Variants in PKHD1 observed in about 807,000 individuals in gnomAD.
PKHD1 encodes the protein fibrocystin.
A neutral mutation model predicts 412.0 loss-of-function variants in PKHD1; 291 were observed. That is an observed-to-expected ratio of 0.71 (90% confidence interval 0.64 to 0.78). PKHD1 has a LOEUF of 0.78. Ranked by LOEUF, PKHD1 falls within the 30% of genes least tolerant of loss-of-function variation. PKHD1 has a pLI of 0.00. For missense variants in PKHD1, 4,825 were observed against 4,950.7 expected (o/e 0.97, Z 0.76); for synonymous variants, 1,777 against 1,821.5 (o/e 0.98, Z 0.62).
intron 7 of PKHD1, 142 bp downstream of exon 7, chr6:52,073,321 C>G: frequency 1.3e-6 from 1 of 754,264 alleles, no homozygotes; most frequent in South Asian, 1.4e-5. Context: ...AAGCCCAGCT[C>G]ATGAGGGACC....
intron 29 of PKHD1, among the ~76,000 whole-genome samples, chr6:52,030,968 G>A (rs1449520717): frequency 1.3e-5 from 2 of 152,052 alleles, no homozygotes; most frequent in Admixed American, 6.6e-5. Context: ...TGGATCCTGG[G>A]GTGCCATGAA....
intron 60 of PKHD1, among the ~76,000 whole-genome samples, chr6:51,694,547 C>CGTTTTT: frequency 1.8e-5 from 1 of 55,448 alleles, no homozygotes; most frequent in African/African-American, 6.5e-5. Context: ...CCACAACCAG[C>CGTTTTT]CTTTTTTTTT....
chr6:51,649,252 C>A (rs768098211), intron 61 of PKHD1, 32 bp from the exon 62 acceptor site: 1 of 1,545,192 alleles, frequency 6.5e-7, no homozygotes, highest in Admixed American at 1.7e-5. Context: ...AAAATACATC[C>A]TTAGGATTAC....
intron 34 of PKHD1, among the ~76,000 whole-genome samples, chr6:52,013,191 C>T (rs191135471): frequency 7.2e-5 from 11 of 152,320 alleles, no homozygotes; most frequent in African/African-American, 1.7e-4. Context: ...GCCTCATAAA[C>T]CTTCTTATGC....
rs1024947418 is a variant in PKHD1, at chr6:52,035,475, T to C, written c.3228+116A>G. ...CAATATAACTACTACAAGCATACTA[T>C]CATAATGAGAAGTTTACATCAGTTC... On this transcript the variant is annotated intron_variant, in intron 28 of 66. Transcript: ENST00000371117. The C allele has an allele frequency of 5.7e-6, 6 of 1,044,042 alleles. No individual in the cohort carries two copies. The Admixed American group carries it at 1.0e-4, about 18-fold the overall frequency. The allele number at this position is 1,044,042 out of a possible 1,614,324, so 64.7% of individuals were successfully genotyped here.
chr6:52,055,676 A>G lies in PKHD1; in HGVS notation c.1747T>C (p.Cys583Arg). Residue 583 changes from cysteine (C) to arginine (R), a missense_variant, in exon 19 of 67, where the codon TGT (cysteine) becomes CGT (arginine). Physicochemically the swap from Cys to Arg is radical, Grantham distance 180 (BLOSUM62 -3). Coordinates refer to ENST00000371117, the MANE Select transcript of PKHD1 (RefSeq NM_138694.4). ...GGCTGACGGAGGCTGAACCTGCCAC[A>G]GAAGGGCTCCGTCCCACTGGTGAGG... ...GDLTSGTEPF[C>R]GRFSLRQPRH... The G allele has an allele frequency of 6.2e-7, 1 of 1,613,956 alleles. No individual in the cohort carries two copies.
intron 52 of PKHD1, among the ~76,000 whole-genome samples, chr6:51,826,743 C>T (rs1221157764): frequency 6.6e-6 from 1 of 151,914 alleles, no homozygotes; most frequent in African/African-American, 2.4e-5. Flanking sequence ...CATATAATAC[C>T]ACAGAGAAGA....
chr6:51,722,053 T>C (rs752474838), intron 60 of PKHD1: 12 of 1,613,394 alleles, frequency 7.4e-6, no homozygotes, highest in African/African-American at 1.3e-5. Flanking sequence ...AGTCAGACAT[T>C]GAAGGCTCTC....
At chr6:51,733,960 C>T (rs569263334) in intron 60 of PKHD1, among the ~76,000 whole-genome samples, 17 of 152,324 alleles carry the variant, frequency 1.1e-4, no homozygotes, top group African/African-American at 4.1e-4. Flanking sequence ...GCTGATTGAT[C>T]TTCAAGGGAC....
At chr6:51,983,023 G>A (rs1048029939) in intron 35 of PKHD1, among the ~76,000 whole-genome samples, 7 of 152,000 alleles carry the variant, frequency 4.6e-5, no homozygotes, top group African/African-American at 1.7e-4. Flanking sequence ...GCCTTTGCAA[G>A]ACAAAGGAAG....
chr6:51,648,987 C>A, intron 62 of PKHD1, 98 bp downstream of exon 62: 1 of 1,213,666 alleles, frequency 8.2e-7, no homozygotes, highest in South Asian at 1.2e-5. Context: ...AGTGGGCACT[C>A]TGTAAATGTG....
chr6:52,082,365 G>A (rs1812164567), intron 4 of PKHD1, 27 bp downstream of exon 4: 5 of 1,611,636 alleles, frequency 3.1e-6, no homozygotes, highest in African/African-American at 1.3e-5. Context: ...CATCCTGTCT[G>A]GTCTTCCTAT....
chr6:51,928,924 T>C (rs923321988), intron 37 of PKHD1, among the ~76,000 whole-genome samples: 2 of 152,186 alleles, frequency 1.3e-5, no homozygotes, highest in Admixed American at 1.3e-4. Flanking sequence ...TCTAAGTTTG[T>C]TTCCAGTGGG....
chr6:51,786,562 T>C (rs1792887487), intron 53 of PKHD1, among the ~76,000 whole-genome samples: 1 of 152,160 alleles, frequency 6.6e-6, no homozygotes, highest in Non-Finnish European at 1.5e-5. Context: ...ACTACCACCA[T>C]TTCATACAAA....
chr6:51,661,696 A>T (rs1390061356), intron 60 of PKHD1, among the ~76,000 whole-genome samples: 1 of 152,108 alleles, frequency 6.6e-6, no homozygotes, highest in East Asian at 1.9e-4. Context: ...AACCCAGAAT[A>T]GTTCTTGTTT....
chr6:51,706,017 A>C (rs1779975509), intron 60 of PKHD1, among the ~76,000 whole-genome samples: 1 of 152,154 alleles, frequency 6.6e-6, no homozygotes, highest in African/African-American at 2.4e-5. Flanking sequence ...TACAGATAGC[A>C]TTTACAGATA....
At chr6:51,624,602 G>T (rs563892855) in intron 66 of PKHD1, among the ~76,000 whole-genome samples, 1 of 152,124 alleles carries the variant, frequency 6.6e-6, no homozygotes, top group Admixed American at 6.5e-5. Flanking sequence ...AGGCAGGGGC[G>T]GGTCTTTTTT....
At chr6:52,086,953 G>C (rs1812880400) in intron 1 of PKHD1, among the ~76,000 whole-genome samples, 1 of 152,164 alleles carries the variant, frequency 6.6e-6, no homozygotes. Flanking sequence ...CAGCACAGGA[G>C]AGTCTATTTT....
rs1770500036 is a variant in PKHD1, at chr6:51,648,971, G to T, written c.11310+114C>A. ...TGAGAAGCTCTAAGTGCAACAAATT[G>T]CACCCAGTGGGCACTCTGTAAATGT... On this transcript the variant is annotated intron_variant, in intron 62 of 66. Coordinates refer to ENST00000371117, the MANE Select transcript of PKHD1 (RefSeq NM_138694.4). 7.0e-6 allele frequency: 7 copies of T among 998,594 alleles called. No individual in the cohort carries two copies. In the South Asian group the frequency reaches 9.0e-5, roughly 13 times the overall value. The allele number at this position is 998,594 out of a possible 1,614,324, so 61.9% of individuals were successfully genotyped here.
Sources: allele counts gnomAD v4.1 joint callset (sites outside exome capture counted in the v4.1 genomes callset), GRCh38; gene constraint gnomAD v4.1.1; transcripts MANE v1.5; gene names NCBI Gene and HGNC (gene_info 2026-07-23, HGNC 2026-07-21).